C1orf21: variants seen among roughly 807,000 people sequenced by gnomAD.
C1orf21 encodes the protein uncharacterized protein C1orf21.
Under a neutral mutation model 18.7 loss-of-function variants are expected in C1orf21, and 3 were observed. The observed-to-expected ratio is 0.16, with a 90% confidence interval of 0.07 to 0.42. C1orf21 has a LOEUF of 0.42. C1orf21 is among the 10% of genes least tolerant of loss of function. The pLI is 0.99. For synonymous variants in C1orf21, 41 were observed against 46.4 expected, an observed-to-expected ratio of 0.88 and a Z score of 0.47; for missense variants, 104 against 143.6, an observed-to-expected ratio of 0.72 and a Z score of 1.41.
intron 1 of C1orf21, among the ~76,000 whole-genome samples, chr1:184,476,803 C>G (rs1037337242): frequency 6.6e-6 from 1 of 152,138 alleles, no homozygotes; most frequent in African/African-American, 2.4e-5. Flanking sequence ...TCCTTTGTCT[C>G]CAAAACAGTG....
chr1:184,607,602 G>A (rs992400991), intron 5 of C1orf21, among the ~76,000 whole-genome samples: 2 of 150,630 alleles, frequency 1.3e-5, no homozygotes, highest in African/African-American at 4.9e-5. Context: ...CAAGCATATA[G>A]ATATATATAT....
chr1:184,615,048 T>G (rs1188829466), intron 5 of C1orf21, among the ~76,000 whole-genome samples: 11 of 152,206 alleles, frequency 7.2e-5, no homozygotes. Context: ...TTTCTTAAAG[T>G]CACTCTTTGA....
chr1:184,512,641 A>G (rs776125898), intron 3 of C1orf21, among the ~76,000 whole-genome samples: 13 of 152,196 alleles, frequency 8.5e-5, no homozygotes, highest in Non-Finnish European at 1.6e-4. Context: ...TTTGGAGAGT[A>G]TACATAGGTA....
chr1:184,595,740 C>G (rs952736467), intron 4 of C1orf21, among the ~76,000 whole-genome samples: 4 of 152,192 alleles, frequency 2.6e-5, no homozygotes, highest in Non-Finnish European at 5.9e-5. Context: ...AGTGACAATG[C>G]AGGTTATCTG....
chr1:184,506,734 A>G (rs904404444), intron 2 of C1orf21, among the ~76,000 whole-genome samples: 2 of 152,162 alleles, frequency 1.3e-5, no homozygotes, highest in African/African-American at 2.4e-5. Flanking sequence ...ATCTGATGGA[A>G]ATGTCATCAT....
At chr1:184,562,236 C>T (rs1658978437) in intron 3 of C1orf21, among the ~76,000 whole-genome samples, 1 of 152,074 alleles carries the variant, frequency 6.6e-6, no homozygotes, top group Admixed American at 6.5e-5. Flanking sequence ...CAACAATTTT[C>T]CTGGACTTGA....
chr1:184,503,275 A>T (rs1349950332), intron 2 of C1orf21, among the ~76,000 whole-genome samples: 1 of 152,016 alleles, frequency 6.6e-6, no homozygotes, highest in African/African-American at 2.4e-5. Flanking sequence ...AACTGACTAA[A>T]TCACTTTCTA....
At position 184,597,076 on chromosome 1, in the gene C1orf21, A is replaced by C. The variant is rs559434110; in HGVS notation, c.267-1325A>C. Among the ~76,000 whole-genome samples the C allele has an allele frequency of 5.3e-5, 8 of 152,322 alleles. No individual in the cohort carries two copies. The South Asian group carries it at 1.5e-3, about 28-fold the overall frequency. ...CTGGCTTTTCTGCCCAGGATCCTAC[A>C]GAGAGGAGACAGTTTAATGTACTCT... On this transcript the variant is annotated intron_variant, in intron 4 of 5. Transcript: ENST00000235307.
chr1:184,467,261 A>C (rs2101986407), intron 1 of C1orf21, among the ~76,000 whole-genome samples: 1 of 152,290 alleles, frequency 6.6e-6, no homozygotes, highest in Admixed American at 6.5e-5. Context: ...ATTGTGCCGG[A>C]GGGAATACAG....
intron 3 of C1orf21, among the ~76,000 whole-genome samples, chr1:184,565,605 T>C (rs1194375514): frequency 6.6e-6 from 1 of 152,242 alleles, no homozygotes; most frequent in African/African-American, 2.4e-5. Flanking sequence ...GAAAATTATT[T>C]GGGGTGTCCC....
chr1:184,553,208 A>G (rs1658836674), intron 3 of C1orf21, among the ~76,000 whole-genome samples: 1 of 152,172 alleles, frequency 6.6e-6, no homozygotes, highest in African/African-American at 2.4e-5. Context: ...AAAACCATTT[A>G]GTTCTAACAC....
At chr1:184,468,011 T>TGTGTGAGA (rs4011656) in intron 1 of C1orf21, among the ~76,000 whole-genome samples, 46 of 137,638 alleles carry the variant, frequency 3.3e-4, no homozygotes, top group Non-Finnish European at 5.7e-4. Context: ...TGTGTGTGTG[T>TGTGTGAGA]GAGAGAGAGA....
chr1:184,472,405 T>A (rs142070894), intron 1 of C1orf21, among the ~76,000 whole-genome samples: 6 of 152,214 alleles, frequency 3.9e-5, no homozygotes, highest in Admixed American at 2.0e-4. Context: ...AATTTCTTTA[T>A]GGAATGTATC....
chr1:184,510,961 G>T (rs564737933), intron 3 of C1orf21, among the ~76,000 whole-genome samples: 2 of 152,264 alleles, frequency 1.3e-5, no homozygotes, highest in African/African-American at 4.8e-5. Flanking sequence ...GGGTAAGGTT[G>T]CAGAAGTAGA....
chr1:184,620,364 A>G lies in C1orf21; in HGVS notation c.*808A>G, dbSNP rs2102014252. The G allele has an allele frequency of 6.6e-6, 1 of 152,652 alleles. No individual in the cohort carries two copies. The highest frequency in any genetic ancestry group is 2.4e-5 in the African/African-American group (1 of 41,536). The allele number at this position is 152,652 out of a possible 1,614,324, so 9.5% of individuals were successfully genotyped here. ...CCCATTCATCCAGCTCAGTGTTTTA[A>G]GATGATCCTGGGTGCAGAAGTTGAG... On this transcript the variant is annotated 3_prime_UTR_variant, in exon 6 of 6. Transcript: ENST00000235307.
intron 1 of C1orf21, among the ~76,000 whole-genome samples, chr1:184,465,539 C>A (rs150781983): frequency 6.6e-6 from 1 of 152,188 alleles, no homozygotes; most frequent in African/African-American, 2.4e-5. Context: ...TTGGAAAATG[C>A]ATGTCTTTTG....
chr1:184,524,997 T>C (rs1658358172), intron 3 of C1orf21, among the ~76,000 whole-genome samples: 1 of 152,072 alleles, frequency 6.6e-6, no homozygotes, highest in Non-Finnish European at 1.5e-5. Context: ...ATAACAGTAT[T>C]TTCTGAGTTG....
rs143750427 is a variant in C1orf21, at chr1:184,459,766, G to A, written c.-124-17620G>A. On this transcript the variant is annotated intron_variant, in intron 1 of 5. Coordinates refer to ENST00000235307, the MANE Select transcript of C1orf21 (RefSeq NM_030806.4). The stretch of plus-strand genomic sequence containing the variant: ...GATAGGATGTAGGAAGTGCAGGAAA[G>A]AGCTGCGAGCCCTAGGAGGGACATG... 6.6e-5 allele frequency among the ~76,000 whole-genome samples: 10 copies of A among 152,314 alleles called. No homozygotes were observed. The East Asian group carries it at 1.9e-3, about 29-fold the overall frequency.
At chr1:184,421,155 C>T (rs145218766) in intron 1 of C1orf21, among the ~76,000 whole-genome samples, 145 of 152,310 alleles carry the variant, frequency 9.5e-4, no homozygotes, top group African/African-American at 3.2e-3. Flanking sequence ...GAGACAGGGT[C>T]TTACTCTGTC....
Sources: allele counts gnomAD v4.1 joint callset (sites outside exome capture counted in the v4.1 genomes callset), GRCh38; gene constraint gnomAD v4.1.1; transcripts MANE v1.5; gene names NCBI Gene and HGNC (gene_info 2026-07-23, HGNC 2026-07-21).